ESR1: variants seen among roughly 807,000 people sequenced by gnomAD.
ESR1 encodes estrogen receptor.
Under a neutral mutation model 52.7 loss-of-function variants are expected in ESR1, and 12 were observed. That is an observed-to-expected ratio of 0.23 (90% CI 0.15 to 0.37). ESR1 has a LOEUF of 0.37. Ranked by LOEUF, ESR1 falls within the 10% of genes least tolerant of loss-of-function variation. The pLI is 1.00. For synonymous variants in ESR1, 305 were observed against 316.8 expected (o/e 0.96, Z 0.39); for missense variants, 584 against 779.7 (o/e 0.75, Z 2.99).
At chr6:152,010,420 A>G (rs2042671181) in intron 4 of ESR1, among the ~76,000 whole-genome samples, 2 of 152,102 alleles carry the variant, frequency 1.3e-5, no homozygotes, top group Non-Finnish European at 2.9e-5. Context: ...TACACTCAAC[A>G]GGATTCCTAG....
chr6:152,035,270 CA>C (rs1241081652), intron 5 of ESR1, among the ~76,000 whole-genome samples: 1 of 151,236 alleles, frequency 6.6e-6, no homozygotes, highest in African/African-American at 2.4e-5. Context: ...ACCACAAATA[CA>C]AAACATAATT....
At chr6:151,706,778 C>T (rs1780216579) in intron 2 of ESR1, among the ~76,000 whole-genome samples, 1 of 152,156 alleles carries the variant, frequency 6.6e-6, no homozygotes, top group Admixed American at 6.5e-5. Context: ...CTATAGAAAT[C>T]TGTTCTACCT....
At chr6:152,106,357 C>A (rs2051067203), downstream of ESR1, among the ~76,000 whole-genome samples, 1 of 152,162 alleles carries the variant, frequency 6.6e-6, no homozygotes, top group Non-Finnish European at 1.5e-5. Context: ...CAGTGTGCCT[C>A]ATTTCTTCCT....
intron 1 of ESR1, among the ~76,000 whole-genome samples, chr6:151,671,788 T>C (rs868165631): frequency 1.3e-5 from 2 of 152,086 alleles, no homozygotes; most frequent in Middle Eastern, 3.4e-3. Flanking sequence ...GGTCAGGAGT[T>C]CAAGATCAGC....
At chr6:151,719,528 A>T (rs1781304561) in intron 2 of ESR1, among the ~76,000 whole-genome samples, 1 of 152,174 alleles carries the variant, frequency 6.6e-6, no homozygotes. Flanking sequence ...ACTGGAGTCC[A>T]TTGTACTTGG....
chr6:151,689,704 T>C (rs1778826668), upstream of ESR1, among the ~76,000 whole-genome samples: 1 of 152,164 alleles, frequency 6.6e-6, no homozygotes, highest in Non-Finnish European at 1.5e-5. Flanking sequence ...AGATCCTGCC[T>C]CCGCCCCATT....
intron 4 of ESR1, among the ~76,000 whole-genome samples, chr6:151,985,533 ACACAAAC>A (rs1562633078): frequency 1.3e-4 from 14 of 105,426 alleles, no homozygotes; most frequent in African/African-American, 3.6e-4. Flanking sequence ...AAAAAAAAAA[ACACAAAC>A]AAAAAAAAAA....
chr6:152,064,584 C>T (rs1273182572), intron 6 of ESR1, among the ~76,000 whole-genome samples: 2 of 152,170 alleles, frequency 1.3e-5, no homozygotes, highest in East Asian at 3.9e-4. Flanking sequence ...CTACTATGGA[C>T]TTTGTGCCAG....
chr6:152,005,660 C>A (rs1307676247), intron 4 of ESR1, among the ~76,000 whole-genome samples: 1 of 151,938 alleles, frequency 6.6e-6, no homozygotes, highest in African/African-American at 2.4e-5. Context: ...TTACAGTAAC[C>A]CTAAGTGGTA....
intron 3 of ESR1, among the ~76,000 whole-genome samples, chr6:151,923,515 C>T (rs370608578): frequency 1.3e-5 from 2 of 152,228 alleles, no homozygotes; most frequent in East Asian, 1.9e-4. Flanking sequence ...CTCCTGACAA[C>T]CCCTGGTCTG....
At chr6:151,760,306 A>G (rs1784575617) in intron 2 of ESR1, among the ~76,000 whole-genome samples, 2 of 152,204 alleles carry the variant, frequency 1.3e-5, no homozygotes, top group South Asian at 4.1e-4. Flanking sequence ...TGAATCCCAC[A>G]CAAGACCACC....
chr6:152,123,926 G>T (rs77765070), intron 6 of ESR1, among the ~76,000 whole-genome samples: 5,670 of 152,214 alleles, frequency 0.037, 137 homozygotes, highest in Middle Eastern at 0.071. Context: ...TATCGGTGGG[G>T]GATGCGGAGT....
chr6:152,022,988 A>C (rs1454826468), intron 5 of ESR1, among the ~76,000 whole-genome samples: 1 of 151,836 alleles, frequency 6.6e-6, no homozygotes, highest in Non-Finnish European at 1.5e-5. Flanking sequence ...AAAAAAAAAA[A>C]AAAGAGAGAA....
chr6:151,669,762 C>T (rs1321032348), intron 1 of ESR1, among the ~76,000 whole-genome samples: 3 of 152,096 alleles, frequency 2.0e-5, no homozygotes, highest in East Asian at 1.9e-4. Flanking sequence ...TTTGCTATCA[C>T]GAGGGTACTT....
chr6:152,050,486 T>C (rs540027488), intron 5 of ESR1, among the ~76,000 whole-genome samples: 1 of 152,302 alleles, frequency 6.6e-6, no homozygotes, highest in South Asian at 2.1e-4. Flanking sequence ...TTTCTTCCAT[T>C]TTTTCTTTAA....
intron 6 of ESR1, among the ~76,000 whole-genome samples, chr6:152,069,065 T>C (rs1226966394): frequency 7.3e-6 from 1 of 137,668 alleles, no homozygotes; most frequent in Admixed American, 6.8e-5. Flanking sequence ...CCAGGCTTGA[T>C]GGCATGTTGC....
At chr6:151,775,609 C>A (rs930541815) in intron 2 of ESR1, among the ~76,000 whole-genome samples, 9 of 151,866 alleles carry the variant, frequency 5.9e-5, no homozygotes, top group Non-Finnish European at 1.3e-4. Context: ...TTAGCTGTGC[C>A]GTGGCGGGCG....
intron 2 of ESR1, among the ~76,000 whole-genome samples, chr6:151,769,817 G>C (rs1785362827): frequency 6.6e-6 from 1 of 152,122 alleles, no homozygotes; most frequent in South Asian, 2.1e-4. Flanking sequence ...TGAACAACAG[G>C]AAAGGAAGAT....
intron 1 of ESR1, among the ~76,000 whole-genome samples, chr6:151,661,337 G>C (rs1473425874): frequency 6.6e-6 from 1 of 152,192 alleles, no homozygotes; most frequent in Non-Finnish European, 1.5e-5. Flanking sequence ...GCACCAGGGT[G>C]TCCAGATGAG....
Sources: gnomAD v4.1 joint callset for allele counts (sites outside exome capture counted in the v4.1 genomes callset) on GRCh38, gnomAD v4.1.1 for gene constraint, MANE v1.5 for transcripts, NCBI Gene and HGNC (gene_info 2026-07-23, HGNC 2026-07-21) for gene names.